The following PARD6G variants were observed in gnomAD, a reference collection of about 807,000 sequenced individuals.
The protein encoded by PARD6G is partitioning defective 6 homolog gamma.
A neutral mutation model predicts 10.7 loss-of-function variants in PARD6G; 7 were observed. That is an observed-to-expected ratio of 0.66 (90% confidence interval 0.37 to 1.23). The LOEUF is 1.23. Among genes scored for constraint, PARD6G ranks in the 50% most tolerant of loss-of-function variants. The pLI is 0.02. For synonymous variants in PARD6G, 287 were observed against 269.4 expected (o/e 1.07, Z -0.64); for missense variants, 548 against 571.8 (o/e 0.96, Z 0.42).
In PARD6G at chr18:80,188,999, T is replaced by C. The variant is rs930050492; in HGVS notation, c.295+13711A>G. Among the ~76,000 whole-genome samples, 4 of 152,048 alleles carry C rather than the reference T, an allele frequency of 2.6e-5. No individual in the cohort carries two copies. The highest frequency in any genetic ancestry group is 9.7e-5 in the African/African-American group (4 of 41,416). ...AAGGTAGGCGTTGCCCAGCCCGGGG[T>C]TGCCTGACACTCTCTGGGGCAGAGA... On this transcript the variant is annotated intron_variant, in intron 2 of 2. Transcript: ENST00000353265. The surrounding 1 kb of genome is among the most constrained non-coding windows in gnomAD (Gnocchi z 5.4).
chr18:80,187,375 G>C (rs2052885488), intron 2 of PARD6G, among the ~76,000 whole-genome samples: 1 of 152,178 alleles, frequency 6.6e-6, no homozygotes, highest in Admixed American at 6.5e-5. Flanking sequence ...ACAGGGCTGT[G>C]TCCCTCAGGC....
chr18:80,177,438 G>A (rs1258088671), intron 2 of PARD6G, among the ~76,000 whole-genome samples: 3 of 139,950 alleles, frequency 2.1e-5, no homozygotes, highest in African/African-American at 5.5e-5. Flanking sequence ...CGCACACACA[G>A]GATAAACCAC....
At chr18:80,214,946 G>A (rs1218640591) in intron 1 of PARD6G, among the ~76,000 whole-genome samples, 2 of 151,748 alleles carry the variant, frequency 1.3e-5, no homozygotes, top group African/African-American at 4.8e-5. Context: ...AAGAGAGAGA[G>A]AATCCTGAAA....
intron 2 of PARD6G, among the ~76,000 whole-genome samples, chr18:80,179,638 G>A (rs1442702523): frequency 6.6e-6 from 1 of 152,228 alleles, no homozygotes; most frequent in Non-Finnish European, 1.5e-5. Context: ...AGGAGCATGA[G>A]TTTCACAACG....
Position 80,218,719 on chromosome 18 carries a change from A to C in PARD6G, c.73-15787T>G, listed in dbSNP as rs1417465737. Among the ~76,000 whole-genome samples the C allele has an allele frequency of 3.3e-5, 5 of 151,916 alleles. No homozygotes were observed. The East Asian group carries it at 5.8e-4, about 18-fold the overall frequency. ...CTGTATGTGGGGGCTGTGATCTCAC[A>C]TTTCCCTTCCGCACTGCTGTAGCAG... On this transcript the variant is annotated intron_variant, in intron 1 of 2. Coordinates refer to ENST00000353265, the MANE Select transcript of PARD6G (RefSeq NM_032510.4).
rs1205725988 is a variant in PARD6G at position 80,188,970 on chromosome 18, C to T, written c.295+13740G>A. On this transcript the variant is annotated intron_variant, in intron 2 of 2. Transcript: ENST00000353265. This position sits in a 1 kb window ranked among gnomAD's most constrained non-coding sequence, Gnocchi z 5.4. The stretch of plus-strand genomic sequence containing the variant: ...AGAGTAGTGCTCATCCCAGCAGAGG[C>T]AGCAAGGTAGGCGTTGCCCAGCCCG... 6.6e-6 allele frequency among the ~76,000 whole-genome samples: 1 copy of T among 152,234 alleles called. No individual in the cohort carries two copies. The highest frequency in any genetic ancestry group is 1.9e-4 in the East Asian group (1 of 5,198).
At chr18:80,242,569 C>G (rs1967502108) in intron 1 of PARD6G, among the ~76,000 whole-genome samples, 1 of 152,268 alleles carries the variant, frequency 6.6e-6, no homozygotes, top group South Asian at 2.1e-4. Flanking sequence ...CACCAACAGG[C>G]TCCTCATACC....
intron 1 of PARD6G, among the ~76,000 whole-genome samples, chr18:80,242,225 C>T (rs567912721): frequency 6.6e-6 from 1 of 152,324 alleles, no homozygotes; most frequent in African/African-American, 2.4e-5. Flanking sequence ...AGTCACTGAA[C>T]CTGTTTAAGC....
intron 2 of PARD6G, among the ~76,000 whole-genome samples, chr18:80,172,650 G>A (rs1407942484): frequency 6.6e-6 from 1 of 152,190 alleles, no homozygotes; most frequent in Non-Finnish European, 1.5e-5. Context: ...CTCCCAAAGT[G>A]CTGGGATTAC....
Position 80,201,101 on chromosome 18 carries a change from G to A in PARD6G, c.295+1609C>T, listed in dbSNP as rs1967003411. 6.6e-6 allele frequency among the ~76,000 whole-genome samples: 1 copy of A among 152,144 alleles called. No homozygotes were observed. Among genetic ancestry groups the A allele is most frequent in the African/African-American group, 2.4e-5 (1 of 41,430 alleles). ...AACACACCCCCACCCTACGCTCCTG[G>A]TCGGGTGGAGACAGACGGCAAACCA... On this transcript the variant is annotated intron_variant, in intron 2 of 2. Coordinates refer to ENST00000353265, the MANE Select transcript of PARD6G (RefSeq NM_032510.4). The surrounding 1 kb of genome is among the most constrained non-coding windows in gnomAD (Gnocchi z 5.9).
At chr18:80,222,165 G>C (rs952715183) in intron 1 of PARD6G, among the ~76,000 whole-genome samples, 3 of 151,830 alleles carry the variant, frequency 2.0e-5, no homozygotes, top group Non-Finnish European at 2.9e-5. Flanking sequence ...GCTCACTGCA[G>C]CCTCAACCTC....
At chr18:80,213,291 T>C (rs968910376) in intron 1 of PARD6G, among the ~76,000 whole-genome samples, 67 of 152,224 alleles carry the variant, frequency 4.4e-4, no homozygotes, top group African/African-American at 1.5e-3. Flanking sequence ...TCCAGAGATC[T>C]AGACAGCTAC....
At chr18:80,204,367 T>C (rs958057856) in intron 1 of PARD6G, among the ~76,000 whole-genome samples, 1 of 152,138 alleles carries the variant, frequency 6.6e-6, no homozygotes, top group Non-Finnish European at 1.5e-5. Context: ...AGGTACAGCC[T>C]AAGAATCTGC....
At chr18:80,172,203 T>C (rs1346714128) in intron 2 of PARD6G, among the ~76,000 whole-genome samples, 1 of 152,232 alleles carries the variant, frequency 6.6e-6, no homozygotes, top group Non-Finnish European at 1.5e-5. Context: ...TGTTTCTGTC[T>C]GTCATTATCA....
At chr18:80,197,129 A>G (rs551048032) in intron 2 of PARD6G, among the ~76,000 whole-genome samples, 1 of 152,326 alleles carries the variant, frequency 6.6e-6, no homozygotes, top group East Asian at 1.9e-4. Flanking sequence ...GTCCGAGGAA[A>G]GAGACTACAA....
chr18:80,199,971 T>C (rs191272891), intron 2 of PARD6G, among the ~76,000 whole-genome samples: 1 of 152,304 alleles, frequency 6.6e-6, no homozygotes, highest in Non-Finnish European at 1.5e-5. Context: ...TTTTAAAACA[T>C]AATTGTGGGT....
At chr18:80,193,515 G>T (rs1439712251) in intron 2 of PARD6G, among the ~76,000 whole-genome samples, 1 of 152,192 alleles carries the variant, frequency 6.6e-6, no homozygotes, top group Admixed American at 6.5e-5. Context: ...GCTTTAATGG[G>T]TACAGAGTTT....
chr18:80,233,447 A>G (rs1222384597), intron 1 of PARD6G, among the ~76,000 whole-genome samples: 1 of 152,112 alleles, frequency 6.6e-6, no homozygotes. Flanking sequence ...GGTCAGTGCC[A>G]CTTCCTCTCC....
rs370376248 is a variant in PARD6G, at chr18:80,188,904, T to C, written c.295+13806A>G. 1.3e-5 allele frequency among the ~76,000 whole-genome samples: 2 copies of C among 152,300 alleles called. No homozygotes were observed. Among genetic ancestry groups the C allele is most frequent in the Admixed American group, 1.3e-4 (2 of 15,300 alleles). On this transcript the variant is annotated intron_variant, in intron 2 of 2. Transcript: ENST00000353265. This position sits in a 1 kb window ranked among gnomAD's most constrained non-coding sequence, Gnocchi z 5.4. The stretch of plus-strand genomic sequence containing the variant: ...GGAGGTGTGGACTTGCTGGGGCATC[T>C]GAACACAAGAGTGACCTGGGGGGTG...
Sources: gnomAD v4.1 joint callset for allele counts (sites outside exome capture counted in the v4.1 genomes callset) on GRCh38, gnomAD v4.1.1 for gene constraint, Gnocchi (gnomAD v3.1) non-coding constraint, MANE v1.5 for transcripts, NCBI Gene and HGNC (gene_info 2026-07-23, HGNC 2026-07-21) for gene names.